Variants in VPS13B observed in about 807,000 individuals in gnomAD.
The protein encoded by VPS13B is intermembrane lipid transfer protein VPS13B.
VPS13B carries 285 observed loss-of-function variants against 426.4 expected under a neutral mutation model. The ratio of observed to expected loss-of-function variants is 0.67; its 90% CI spans 0.61 to 0.74. The LOEUF is 0.74. VPS13B is among the 30% of genes least tolerant of loss of function. VPS13B has a pLI of 0.00. For synonymous variants in VPS13B, 1,676 were observed against 1,676.4 expected (o/e 1.00, Z 0.01); for missense variants, 4,537 against 4,782.6 (o/e 0.95, Z 1.51).
chr8:99,595,496 A>C (rs1826964700), intron 33 of VPS13B, among the ~76,000 whole-genome samples: 1 of 151,952 alleles, frequency 6.6e-6, no homozygotes, highest in African/African-American at 2.4e-5. Context: ...CCTAAATATA[A>C]AGAGCTAAAA....
At chr8:99,612,199 G>A (rs746157848) in intron 33 of VPS13B, among the ~76,000 whole-genome samples, 13 of 152,106 alleles carry the variant, frequency 8.5e-5, no homozygotes, top group Non-Finnish European at 1.8e-4. Context: ...GTGTTCTTGT[G>A]CAACTTTCCT....
intron 43 of VPS13B, among the ~76,000 whole-genome samples, chr8:99,797,624 C>T (rs1812919424): frequency 6.6e-6 from 1 of 152,162 alleles, no homozygotes; most frequent in Admixed American, 6.5e-5. Flanking sequence ...ACACACCCCT[C>T]CCCTTTTCCC....
At chr8:99,292,191 G>C (rs1819774505) in intron 19 of VPS13B, among the ~76,000 whole-genome samples, 1 of 152,062 alleles carries the variant, frequency 6.6e-6, no homozygotes, top group Non-Finnish European at 1.5e-5. Flanking sequence ...AATTGGATTT[G>C]TTGTTAACAA....
At chr8:99,236,456 G>A (rs1402977007) in intron 17 of VPS13B, among the ~76,000 whole-genome samples, 6 of 152,076 alleles carry the variant, frequency 3.9e-5, no homozygotes, top group African/African-American at 1.2e-4. Context: ...GGCCATATTG[G>A]CCAGGCTGGT....
chr8:99,475,146 T>C (rs10104290), intron 24 of VPS13B, among the ~76,000 whole-genome samples: 3,350 of 152,336 alleles, frequency 0.022, 50 homozygotes, highest in Non-Finnish European at 0.036. Context: ...AATATGCAGA[T>C]TACTATTAAT....
intron 25 of VPS13B, among the ~76,000 whole-genome samples, chr8:99,490,217 A>T (rs1476804247): frequency 1.3e-5 from 2 of 152,150 alleles, no homozygotes; most frequent in African/African-American, 4.8e-5. Flanking sequence ...TGATTTGCAT[A>T]TGTTGAACCA....
intron 35 of VPS13B, among the ~76,000 whole-genome samples, chr8:99,695,661 C>A (rs1831941062): frequency 7.3e-6 from 1 of 137,610 alleles, no homozygotes; most frequent in African/African-American, 2.8e-5. Flanking sequence ...AACTAACCTG[C>A]ACAATGTGCA....
intron 17 of VPS13B, among the ~76,000 whole-genome samples, chr8:99,269,018 C>T (rs754986296): frequency 2.0e-5 from 3 of 152,112 alleles, no homozygotes; most frequent in Non-Finnish European, 4.4e-5. Flanking sequence ...TGGCACTTCT[C>T]TCTCCTGCCA....
At chr8:99,461,114 A>G (rs565341528) in intron 23 of VPS13B, among the ~76,000 whole-genome samples, 2 of 152,052 alleles carry the variant, frequency 1.3e-5, no homozygotes, top group African/African-American at 4.8e-5. Context: ...CTGCAAGTCT[A>G]ACCCAAATCC....
intron 17 of VPS13B, among the ~76,000 whole-genome samples, chr8:99,255,660 T>C (rs1346581586): frequency 2.6e-5 from 4 of 152,152 alleles, no homozygotes; most frequent in Non-Finnish European, 5.9e-5. Context: ...GGGTCAAAAT[T>C]CTGGCTCTCA....
At chr8:99,735,375 G>A (rs1198062948) in intron 39 of VPS13B, among the ~76,000 whole-genome samples, 6 of 152,176 alleles carry the variant, frequency 3.9e-5, no homozygotes, top group Non-Finnish European at 8.8e-5. Flanking sequence ...CTCGATTAGA[G>A]TGGGCTGTAA....
intron 56 of VPS13B, among the ~76,000 whole-genome samples, chr8:99,857,744 C>T (rs1816624860): frequency 6.6e-6 from 1 of 152,204 alleles, no homozygotes; most frequent in Admixed American, 6.5e-5. Flanking sequence ...TTCCCTGACC[C>T]AGACAGCAGC....
At chr8:99,422,853 T>C (rs191215636) in intron 21 of VPS13B, among the ~76,000 whole-genome samples, 136 of 152,346 alleles carry the variant, frequency 8.9e-4, no homozygotes, top group African/African-American at 3.0e-3. Context: ...TACACTTCTA[T>C]AACTTTTTCT....
intron 7 of VPS13B, among the ~76,000 whole-genome samples, chr8:99,116,330 C>A (rs1217016633): frequency 6.6e-6 from 1 of 151,824 alleles, no homozygotes; most frequent in Non-Finnish European, 1.5e-5. Context: ...CTGTGCCCAG[C>A]CTACACTACT....
At chr8:99,871,009 G>A (rs1817379803) in intron 60 of VPS13B, 122 bp downstream of exon 60, 3 of 954,958 alleles carry the variant, frequency 3.1e-6, no homozygotes, top group Middle Eastern at 2.3e-4. Context: ...TGTTGGCACT[G>A]GCATCTCAGG....
intron 39 of VPS13B, among the ~76,000 whole-genome samples, chr8:99,721,990 TA>T (rs1017623213): frequency 1.7e-4 from 26 of 152,190 alleles, no homozygotes; most frequent in African/African-American, 5.8e-4. Flanking sequence ...TTCCCTAACT[TA>T]AAACCCTGTG....
intron 39 of VPS13B, among the ~76,000 whole-genome samples, chr8:99,765,221 G>A (rs1473276521): frequency 6.6e-6 from 1 of 152,106 alleles, no homozygotes; most frequent in African/African-American, 2.4e-5. Flanking sequence ...CTCCAGCCTG[G>A]GTGAAAAAGC....
chr8:99,431,399 G>A (rs556148115), intron 21 of VPS13B, 138 bp from the exon 22 acceptor site: 1,247 of 1,157,648 alleles, frequency 1.1e-3, no homozygotes, highest in Non-Finnish European at 1.2e-3. Context: ...AGAAAATGAT[G>A]TAAAATGACA....
chr8:99,285,780 C>G (rs768106041), intron 19 of VPS13B, among the ~76,000 whole-genome samples: 134 of 152,120 alleles, frequency 8.8e-4, no homozygotes, highest in Non-Finnish European at 2.6e-4. Context: ...TCACATCAAT[C>G]TTTGCTACCT....
Sources: gnomAD v4.1 joint callset for allele counts (sites outside exome capture counted in the v4.1 genomes callset) on GRCh38, gnomAD v4.1.1 for gene constraint, MANE v1.5 for transcripts, NCBI Gene and HGNC (gene_info 2026-07-23, HGNC 2026-07-21) for gene names.